Variants in CNTNAP5 observed in about 807,000 individuals in gnomAD.
CNTNAP5 encodes contactin associated protein family member 5.
Under a neutral mutation model 150.2 loss-of-function variants are expected in CNTNAP5, and 72 were observed. The ratio of observed to expected loss-of-function variants is 0.48; its 90% CI spans 0.40 to 0.58. The LOEUF is 0.58. CNTNAP5 is among the 20% of genes least tolerant of loss of function. The pLI is 0.00. For missense variants in CNTNAP5, 1,636 were observed against 1,626.2 expected, an observed-to-expected ratio of 1.01 and a Z score of -0.10; for synonymous variants, 672 against 619.8, an observed-to-expected ratio of 1.08 and a Z score of -1.25.
chr2:124,412,587 C>T (rs1274212509), intron 3 of CNTNAP5, among the ~76,000 whole-genome samples: 3 of 150,880 alleles, frequency 2.0e-5, no homozygotes, highest in Admixed American at 6.6e-5. Context: ...ATATCTACAA[C>T]TATCTGATCT....
At chr2:124,297,013 G>T (rs1433417093) in intron 3 of CNTNAP5, among the ~76,000 whole-genome samples, 7 of 152,140 alleles carry the variant, frequency 4.6e-5, no homozygotes, top group Admixed American at 2.0e-4. Context: ...CACTATCCAG[G>T]CTGTTAGACT....
chr2:124,739,490 T>C (rs1217492922), intron 13 of CNTNAP5, among the ~76,000 whole-genome samples: 1 of 152,198 alleles, frequency 6.6e-6, no homozygotes, highest in African/African-American at 2.4e-5. Flanking sequence ...TTTGTTCATA[T>C]AGTGAGACAT....
In CNTNAP5 at chr2:124,777,506, C is replaced by CT. The variant is rs562234473; in HGVS notation, c.2752+4490dup. 1.0e-3 allele frequency among the ~76,000 whole-genome samples: 152 copies of CT among 152,204 alleles called. 1 individual carries two copies. The highest frequency in any genetic ancestry group is 3.4e-3 in the African/African-American group (140 of 41,552). ...CAAGCAATTCTCTTTCCTCAGCCTC[C>CT]TGAGTAGCTGGGGTTACAGGTTCAT... On this transcript the variant is annotated intron_variant, in intron 17 of 23. Transcript: ENST00000682447.
chr2:124,220,828 T>C (rs1030450305), intron 1 of CNTNAP5, among the ~76,000 whole-genome samples: 2 of 152,128 alleles, frequency 1.3e-5, no homozygotes, highest in Admixed American at 1.3e-4. Flanking sequence ...CAACACTTAA[T>C]ATTGTTACAA....
chr2:124,310,071 T>TA (rs56736687), intron 3 of CNTNAP5, among the ~76,000 whole-genome samples: 2 of 149,778 alleles, frequency 1.3e-5, no homozygotes, highest in African/African-American at 2.5e-5. Context: ...TTTTTTTTTT[T>TA]ATGAGCATTA....
intron 11 of CNTNAP5, among the ~76,000 whole-genome samples, chr2:124,571,431 T>A (rs1162391325): frequency 6.6e-6 from 1 of 151,492 alleles, no homozygotes; most frequent in Non-Finnish European, 1.5e-5. Context: ...ACGGAAAGTG[T>A]AACCTAGGAG....
chr2:124,364,143 T>C (rs1009676343), intron 3 of CNTNAP5, among the ~76,000 whole-genome samples: 1 of 152,132 alleles, frequency 6.6e-6, no homozygotes, highest in Non-Finnish European at 1.5e-5. Context: ...TGCATGAAAC[T>C]TCCTGAGACC....
Position 124,585,111 on chromosome 2 carries a change from A to C in CNTNAP5, c.1756+21788A>C, listed in dbSNP as rs76410239. Among the ~76,000 whole-genome samples, 1,185 of 152,324 alleles carry C rather than the reference A, an allele frequency of 7.8e-3. 16 individuals carry two copies. Among genetic ancestry groups the C allele is most frequent in the African/African-American group, 0.027 (1,128 of 41,572 alleles). On this transcript the variant is annotated intron_variant, in intron 11 of 23. Coordinates refer to ENST00000682447, the MANE Select transcript of CNTNAP5 (RefSeq NM_001367498.1). ...AATGACCCTAACCTGTCAGTGGCTT[A>C]GCAAAGGAAAAGTTTCTGTTTTTCT...
chr2:124,429,751 A>G (rs1425943077), intron 4 of CNTNAP5, among the ~76,000 whole-genome samples: 1 of 152,216 alleles, frequency 6.6e-6, no homozygotes, highest in East Asian at 1.9e-4. Context: ...CACAGGGATC[A>G]CAGCTCCAGT....
chr2:124,714,074 G>A (rs984851957), intron 13 of CNTNAP5, among the ~76,000 whole-genome samples: 3 of 151,952 alleles, frequency 2.0e-5, no homozygotes, highest in Non-Finnish European at 4.4e-5. Context: ...TTTCCTCTAG[G>A]TTTTCTTCAC....
chr2:124,115,026 A>C (rs1171517003), intron 1 of CNTNAP5, among the ~76,000 whole-genome samples: 2 of 152,110 alleles, frequency 1.3e-5, no homozygotes, highest in African/African-American at 4.8e-5. Context: ...ATATCTGTAG[A>C]TACTATAATG....
intron 1 of CNTNAP5, among the ~76,000 whole-genome samples, chr2:124,118,857 C>T (rs1683490154): frequency 6.6e-6 from 1 of 152,168 alleles, no homozygotes; most frequent in South Asian, 2.1e-4. Context: ...TCCTGTACCA[C>T]ATAATTTGTC....
At chr2:124,568,184 A>C (rs1573465038) in intron 11 of CNTNAP5, among the ~76,000 whole-genome samples, 1 of 152,344 alleles carries the variant, frequency 6.6e-6, no homozygotes, top group Admixed American at 6.5e-5. Flanking sequence ...GCAGTAGAAT[A>C]GTGTGAGATC....
intron 11 of CNTNAP5, among the ~76,000 whole-genome samples, chr2:124,605,668 T>C (rs1382668781): frequency 1.3e-5 from 2 of 151,544 alleles, no homozygotes; most frequent in Non-Finnish European, 2.9e-5. Context: ...CAGAAAAAAT[T>C]AGCCAGATGC....
At chr2:124,663,101 C>T (rs563204633) in intron 13 of CNTNAP5, among the ~76,000 whole-genome samples, 2 of 152,092 alleles carry the variant, frequency 1.3e-5, no homozygotes, top group Non-Finnish European at 1.5e-5. Flanking sequence ...AAGGAACAAA[C>T]GCATGTTCAA....
intron 1 of CNTNAP5, among the ~76,000 whole-genome samples, chr2:124,065,316 T>C (rs975249084): frequency 9.9e-5 from 15 of 152,128 alleles, no homozygotes; most frequent in African/African-American, 3.6e-4. Flanking sequence ...CATTAAAAAA[T>C]ATATACACAT....
At chr2:124,664,362 T>G (rs1016374245) in intron 13 of CNTNAP5, among the ~76,000 whole-genome samples, 2 of 148,076 alleles carry the variant, frequency 1.4e-5, no homozygotes, top group Non-Finnish European at 3.0e-5. Flanking sequence ...AAAGCTTAAG[T>G]GTGGTGCAAT....
At chr2:124,765,769 A>G (rs1681054626) in intron 16 of CNTNAP5, among the ~76,000 whole-genome samples, 1 of 152,044 alleles carries the variant, frequency 6.6e-6, no homozygotes, top group African/African-American at 2.4e-5. Flanking sequence ...CAGCATGCCC[A>G]ATATGGTGAA....
At chr2:124,681,256 C>T (rs575941726) in intron 13 of CNTNAP5, among the ~76,000 whole-genome samples, 8 of 144,696 alleles carry the variant, frequency 5.5e-5, no homozygotes, top group South Asian at 2.2e-4. Context: ...GAGCTGAGAT[C>T]GAGCCACTGT....
Sources: allele counts gnomAD v4.1 joint callset (sites outside exome capture counted in the v4.1 genomes callset), GRCh38; gene constraint gnomAD v4.1.1; transcripts MANE v1.5; gene names NCBI Gene and HGNC (gene_info 2026-07-23, HGNC 2026-07-21).